Variants in PNPLA3 observed in about 807,000 individuals in gnomAD.
PNPLA3 encodes patatin like domain 3, 1-acylglycerol-3-phosphate O-acyltransferase, also known as 1-acylglycerol-3-phosphate O-acyltransferase PNPLA3.
PNPLA3 carries 42 observed loss-of-function variants against 43.1 expected under a neutral mutation model. That is an observed-to-expected ratio of 0.97 (90% CI 0.76 to 1.26). The LOEUF (loss-of-function observed/expected upper bound fraction) is 1.26. Ranked by LOEUF, PNPLA3 falls within the 50% of genes most tolerant of loss-of-function variation. The pLI is 0.00. For synonymous variants in PNPLA3, 272 were observed against 253.6 expected (o/e 1.07, Z -0.69); for missense variants, 647 against 621.4 (o/e 1.04, Z -0.44).
chr22:43,931,089 T>C (rs903790248), intron 3 of PNPLA3, among the ~76,000 whole-genome samples: 2 of 152,094 alleles, frequency 1.3e-5, no homozygotes, highest in Admixed American at 6.5e-5. Flanking sequence ...ATCCTGCCAC[T>C]GCACTCCAGC....
chr22:43,929,760 C>T (rs2049949847), intron 3 of PNPLA3, among the ~76,000 whole-genome samples: 1 of 151,666 alleles, frequency 6.6e-6, no homozygotes, highest in Non-Finnish European at 1.5e-5. Context: ...TCACGCCAAG[C>T]TAATTTTTGT....
In PNPLA3 at chr22:43,940,075, A is replaced by G. The variant is rs1298182588; in HGVS notation, c.1062A>G (p.Val354=). ...NLLPIRIMSY[V]MLPCTLPVES... is the part of the protein sequence containing the mutation. ...TACCCATTAGGATAATGTCTTATGT[A>G]ATGCTGCCCTGTACCCTGCCTGTGG... Residue 354 remains valine, a synonymous_variant, in exon 7 of 9, where the codon GTA becomes GTG. Coordinates refer to ENST00000216180, the MANE Select transcript of PNPLA3 (RefSeq NM_025225.3). The G allele has an allele frequency of 6.2e-7, 1 of 1,614,028 alleles. No homozygotes were observed. The highest frequency in any genetic ancestry group is 1.3e-5 in the African/African-American group (1 of 74,920).
chr22:43,925,697 C>G (rs939026906), intron 1 of PNPLA3, among the ~76,000 whole-genome samples: 4 of 152,122 alleles, frequency 2.6e-5, no homozygotes, highest in Non-Finnish European at 5.9e-5. Flanking sequence ...GGGAGAGGAG[C>G]AAAGGGCACG....
intron 8 of PNPLA3, 112 bp downstream of exon 8, chr22:43,944,907 C>G (rs2050053397): frequency 2.1e-6 from 2 of 959,422 alleles, no homozygotes; most frequent in South Asian, 2.9e-5. Flanking sequence ...GGAGCTTGCC[C>G]TTGGGTGTGG....
intron 3 of PNPLA3, 63 bp downstream of exon 3, chr22:43,928,952 C>G (rs973758799): frequency 6.7e-7 from 1 of 1,493,460 alleles, no homozygotes; most frequent in Non-Finnish European, 9.3e-7. Flanking sequence ...TCACACATCT[C>G]CTGCCTGCAG....
intron 4 of PNPLA3, among the ~76,000 whole-genome samples, chr22:43,933,943 C>G (rs898889834): frequency 1.3e-5 from 2 of 152,146 alleles, no homozygotes; most frequent in Non-Finnish European, 2.9e-5. Flanking sequence ...GGAGACAGCT[C>G]TTATTGTCCT....
At position 43,946,269 on chromosome 22, in the gene PNPLA3, A is replaced by ACC. The variant is rs769128146; in HGVS notation, c.1336_1337dup (p.Ser448GlyfsTer8). On this transcript the variant is annotated frameshift_variant, in exon 9 of 9. Coordinates refer to ENST00000216180, the MANE Select transcript of PNPLA3 (RefSeq NM_025225.3). LOFTEE classifies it low-confidence loss of function (END_TRUNC). ...TCCAGCAGAGACCAAAGCAGAGGCC[A>ACC]CCCCGCGGTCCATCCTCAGGTCCAG... The ACC allele has an allele frequency of 2.5e-6, 4 of 1,614,118 alleles. No individual in the cohort carries two copies. The South Asian group carries it at 4.4e-5, about 18-fold the overall frequency.
chr22:43,926,816 A>C, intron 1 of PNPLA3, 119 bp from the exon 2 acceptor site: 1 of 781,620 alleles, frequency 1.3e-6, no homozygotes, highest in Non-Finnish European at 2.1e-6. Flanking sequence ...CTCCCATAGT[A>C]GACAGTACTG....
Position 43,937,185 on chromosome 22 carries a change from G to C in PNPLA3, c.892G>C (p.Gly298Arg). 6.2e-7 allele frequency: 1 copy of C among 1,614,174 alleles called. No individual in the cohort carries two copies. The highest frequency in any genetic ancestry group is 8.5e-7 in the Non-Finnish European group (1 of 1,180,032). The stretch of plus-strand genomic sequence containing the variant: ...GGCTGCCTTGGCTGTGAGGCTGGAG[G>C]GAGATGAGCTGCTAGACCACCTGCG... ...ESAALAVRLE[G>R]DELLDHLRLS... Residue 298 changes from glycine to arginine, a missense_variant, in exon 6 of 9, where the codon GGA (glycine) becomes CGA (arginine). Physicochemically the swap from Gly to Arg is moderately radical, Grantham distance 125. Coordinates refer to ENST00000216180, the MANE Select transcript of PNPLA3 (RefSeq NM_025225.3).
At chr22:43,939,827 A>T (rs1346148802) in intron 6 of PNPLA3, among the ~76,000 whole-genome samples, 166 bp from the exon 7 acceptor site, 3 of 152,166 alleles carry the variant, frequency 2.0e-5, no homozygotes, top group African/African-American at 7.2e-5. Flanking sequence ...TGGAAAAAAA[A>T]GAAAGGAGCA....
At position 43,927,093 on chromosome 22, in the gene PNPLA3, A is replaced by T. The variant is rs778326161; in HGVS notation, c.346A>T (p.Ile116Phe). 1 of 1,614,238 alleles carries T rather than the reference A, an allele frequency of 6.2e-7. No homozygotes were observed. The highest frequency in any genetic ancestry group is 8.5e-7 in the Non-Finnish European group (1 of 1,180,054). ...VHQLISGKIG[I>F]SLTRVSDGEN... The stretch of plus-strand genomic sequence containing the variant: ...CCAGCTCATCTCCGGCAAAATAGGC[A>T]TCTCTCTTACCAGAGTGTCTGATGG... The change falls in exon 2 of 9, where the codon ATC becomes TTC. Residue 116 changes from isoleucine to phenylalanine, a missense_variant. Transcript: ENST00000216180.
At chr22:43,926,528 C>A (rs1448411420) in intron 1 of PNPLA3, among the ~76,000 whole-genome samples, 1 of 152,224 alleles carries the variant, frequency 6.6e-6, no homozygotes, top group East Asian at 1.9e-4. Context: ...AGACTCATTC[C>A]TGTGGCTGAG....
intron 1 of PNPLA3, among the ~76,000 whole-genome samples, chr22:43,926,341 G>C (rs964455486): frequency 3.9e-5 from 6 of 152,198 alleles, no homozygotes; most frequent in Non-Finnish European, 8.8e-5. Flanking sequence ...TGCATGCCAG[G>C]AGAGTGCAGA....
chr22:43,925,671 C>T (rs1286355464), intron 1 of PNPLA3, among the ~76,000 whole-genome samples: 1 of 152,174 alleles, frequency 6.6e-6, no homozygotes, highest in Non-Finnish European at 1.5e-5. Context: ...GGCTGTCTGC[C>T]TTCCCCTAAG....
chr22:43,934,419 A>G lies in PNPLA3; in HGVS notation c.697-187A>G, dbSNP rs115879121. On this transcript the variant is annotated intron_variant, in intron 4 of 8. Coordinates refer to ENST00000216180, the MANE Select transcript of PNPLA3 (RefSeq NM_025225.3). ...GTGGAAGGGTGACATTCAAGCCGAG[A>G]CCTCCAGGGAACTGTCTCCTGGGAG... 2.8e-3 allele frequency among the ~76,000 whole-genome samples: 421 copies of G among 151,848 alleles called. 3 individuals are homozygous for G. The highest frequency in any genetic ancestry group is 9.6e-3 in the African/African-American group (398 of 41,366).
intron 8 of PNPLA3, among the ~76,000 whole-genome samples, chr22:43,945,479 C>T (rs2146793028): frequency 1.3e-5 from 2 of 152,310 alleles, no homozygotes; most frequent in Middle Eastern, 6.8e-3. Flanking sequence ...TGATCCCCAT[C>T]CCCTCAATGG....
chr22:43,925,482 A>G (rs534097941), intron 1 of PNPLA3, among the ~76,000 whole-genome samples: 2 of 152,218 alleles, frequency 1.3e-5, no homozygotes, highest in South Asian at 4.1e-4. Context: ...TTATGCCCCC[A>G]TTAGCCCCCT....
At position 43,946,303 on chromosome 22, in the gene PNPLA3, T is replaced by A; in HGVS notation, c.1367T>A (p.Phe456Tyr). 1.2e-6 allele frequency: 2 copies of A among 1,610,958 alleles called. No individual in the cohort carries two copies. The highest frequency in any genetic ancestry group is 2.2e-5 in the South Asian group (2 of 91,074). Residue 456 changes from phenylalanine to tyrosine, a missense_variant, in exon 9 of 9, where the codon TTC (phenylalanine) becomes TAC (tyrosine). Transcript: ENST00000216180. ...PRSILRSSLN[F>Y]FLGNKVPAGA... ...TCCATCCTCAGGTCCAGCCTGAACT[T>A]CTTCTTGGGCAATAAAGTACCTGCT...
chr22:43,939,694 T>C (rs2050018700), intron 6 of PNPLA3, among the ~76,000 whole-genome samples: 1 of 152,196 alleles, frequency 6.6e-6, no homozygotes, highest in South Asian at 2.1e-4. Flanking sequence ...CAGGTGCCTG[T>C]AATCCCAGCT....
Sources: allele counts gnomAD v4.1 joint callset (sites outside exome capture counted in the v4.1 genomes callset), GRCh38; gene constraint gnomAD v4.1.1; transcripts MANE v1.5; gene names NCBI Gene and HGNC (gene_info 2026-07-23, HGNC 2026-07-21).